The following CCDC6 variants were observed in gnomAD, a reference collection of about 807,000 sequenced individuals.
CCDC6 encodes coiled-coil domain-containing protein 6.
In CCDC6, 20 loss-of-function variants were observed where a neutral mutation model predicts 56.6. The observed-to-expected ratio is 0.35, with a 90% CI of 0.25 to 0.51. The LOEUF is 0.51. Ranked by LOEUF, CCDC6 falls within the 20% of genes least tolerant of loss-of-function variation. The probability of loss-of-function intolerance (pLI) is 0.95; values close to 1 mark genes in which losing one functional copy is unlikely to be tolerated. For missense variants in CCDC6, 367 were observed against 601.1 expected (o/e 0.61, Z 4.07); for synonymous variants, 241 against 234.4 (o/e 1.03, Z -0.26).
At chr10:59,855,002 C>T (rs1422332699) in intron 1 of CCDC6, among the ~76,000 whole-genome samples, 1 of 152,308 alleles carries the variant, frequency 6.6e-6, no homozygotes, top group South Asian at 2.1e-4. Flanking sequence ...CACATTAACA[C>T]ACATTTAGTA....
chr10:59,856,595 A>G (rs779304525), intron 1 of CCDC6, among the ~76,000 whole-genome samples: 44 of 152,248 alleles, frequency 2.9e-4, no homozygotes, highest in Non-Finnish European at 4.3e-4. Flanking sequence ...GTATTTCCCC[A>G]AAATCAGCCA....
chr10:59,820,583 CA>C (rs1029587727), intron 3 of CCDC6, among the ~76,000 whole-genome samples: 1 of 151,430 alleles, frequency 6.6e-6, no homozygotes. Context: ...CCCGTCTCTA[CA>C]AAAAAAATAA....
At chr10:59,839,193 G>A (rs1412922099) in intron 2 of CCDC6, among the ~76,000 whole-genome samples, 4 of 152,274 alleles carry the variant, frequency 2.6e-5, no homozygotes, top group Admixed American at 2.0e-4. Context: ...CACACGTAAA[G>A]GGTAAATCCA....
intron 1 of CCDC6, among the ~76,000 whole-genome samples, chr10:59,883,724 AAC>A (rs2071363147): frequency 6.6e-6 from 1 of 152,220 alleles, no homozygotes; most frequent in Admixed American, 6.5e-5. Context: ...TTAATGAGGA[AAC>A]ACACTTTCCT....
intron 1 of CCDC6, among the ~76,000 whole-genome samples, chr10:59,862,548 C>CAT (rs1564751066): frequency 3.5e-5 from 3 of 84,584 alleles, no homozygotes; most frequent in South Asian, 3.9e-4. Context: ...CACACACACA[C>CAT]ACACACACAT....
Position 59,882,050 on chromosome 10 carries a change from G to GAAAGGAAAGCCGGC in CCDC6, c.303+24071_303+24072insGCCGGCTTTCCTTT, listed in dbSNP as rs1564755834. On this transcript the variant is annotated intron_variant, in intron 1 of 8. Coordinates refer to ENST00000263102, the MANE Select transcript of CCDC6 (RefSeq NM_005436.5). ...GCGGGGAGAAGGAAAGGAAAGCCAGGGGGAGAAGGAAAGGAAAGCCGCGGG... is the reference window on the plus strand; with the variant it reads ...GCGGGGAGAAGGAAAGGAAAGCCAGGAAAGGAAAGCCGGCGGGAGAAGGAAAGGAAAGCCGCGGG... 3.7e-3 allele frequency among the ~76,000 whole-genome samples: 190 copies of GAAAGGAAAGCCGGC among 51,454 alleles called. 43 individuals carry two copies. The highest frequency in any genetic ancestry group is 0.022 in the Middle Eastern group (2 of 90). The allele number at this position is 51,454 out of a possible 152,430, so 33.8% of individuals were successfully genotyped here.
chr10:59,851,068 C>T (rs1458869309), intron 2 of CCDC6, among the ~76,000 whole-genome samples: 3 of 135,472 alleles, frequency 2.2e-5, no homozygotes, highest in East Asian at 2.2e-4. Flanking sequence ...CATGATCTGG[C>T]GAGGTCTTGA....
chr10:59,804,311 T>G, intron 7 of CCDC6, 109 bp downstream of exon 7: 1 of 701,878 alleles, frequency 1.4e-6, no homozygotes. Flanking sequence ...AAGACATGAT[T>G]ATTATCCCTG....
intron 1 of CCDC6, among the ~76,000 whole-genome samples, chr10:59,891,017 A>G (rs2071418877): frequency 6.6e-6 from 1 of 152,184 alleles, no homozygotes; most frequent in Admixed American, 6.5e-5. Context: ...GGGCAGACAG[A>G]TTTTTAAACA....
intron 3 of CCDC6, among the ~76,000 whole-genome samples, chr10:59,830,180 A>G (rs531895070): frequency 3.4e-4 from 51 of 152,234 alleles, no homozygotes; most frequent in Non-Finnish European, 6.3e-4. Flanking sequence ...TAAAGCAAAG[A>G]CAAAAACTAC....
chr10:59,794,676 G>A (rs531120606), intron 7 of CCDC6, 79 bp from the exon 8 acceptor site: 28 of 1,269,038 alleles, frequency 2.2e-5, no homozygotes, highest in African/African-American at 4.4e-5. Context: ...GTTTTAAATC[G>A]CAGTAGTTCT....
chr10:59,882,959 C>CAA (rs769100645), intron 1 of CCDC6, among the ~76,000 whole-genome samples: 3 of 134,018 alleles, frequency 2.2e-5, no homozygotes, highest in African/African-American at 5.6e-5. Flanking sequence ...GACTCTGCCT[C>CAA]AAAAAAAAAA....
chr10:59,852,707 T>TA lies in CCDC6; in HGVS notation c.304-6_304-5insT, dbSNP rs1168502497. 2.0e-6 allele frequency: 3 copies of TA among 1,519,636 alleles called. No homozygotes were observed. Among genetic ancestry groups the TA allele is most frequent in the Non-Finnish European group, 2.6e-6 (3 of 1,146,766 alleles). 94.1% of individuals were successfully genotyped at this position (1,519,636 alleles called of 1,614,324 possible). ...TTCCTGCTCAGCCCTGGCTTGCTGT[T>TA]TAAAAAAAAAAAAGGAAAGAACAAA... On this transcript the variant is annotated splice_polypyrimidine_tract_variant and splice_region_variant and intron_variant, in intron 1 of 8. Coordinates refer to ENST00000263102, the MANE Select transcript of CCDC6 (RefSeq NM_005436.5).
chr10:59,794,694 C>T (rs1471239248), intron 7 of CCDC6, 97 bp from the exon 8 acceptor site: 1 of 983,888 alleles, frequency 1.0e-6, no homozygotes, highest in African/African-American at 1.6e-5. Flanking sequence ...TCTCTATCAC[C>T]CACAAAAATA....
At chr10:59,822,885 C>T (rs182595497) in intron 3 of CCDC6, among the ~76,000 whole-genome samples, 3 of 144,994 alleles carry the variant, frequency 2.1e-5, no homozygotes, top group Non-Finnish European at 1.5e-5. Context: ...CTGTCCCACC[C>T]CACCCTATGC....
At position 59,792,231 on chromosome 10, in the gene CCDC6, T is replaced by C. The variant is rs2070474464; in HGVS notation, c.*686A>G. 1 of 279,000 alleles carries C rather than the reference T, an allele frequency of 3.6e-6. No homozygotes were observed. The highest frequency in any genetic ancestry group is 7.9e-5 in the South Asian group (1 of 12,734). 17.3% of individuals were successfully genotyped at this position (279,000 alleles called of 1,614,324 possible). A position where few individuals can be genotyped will look rare whatever the true frequency, so the allele number is the denominator to read the frequency against. On this transcript the variant is annotated 3_prime_UTR_variant, in exon 9 of 9. Transcript: ENST00000263102. Reference sequence around the variant, plus strand: ...GATAAAAAAGAGAATCACATCTTAATATACGATAATTATCCATCCCATTTA... The same window carrying C: ...GATAAAAAAGAGAATCACATCTTAACATACGATAATTATCCATCCCATTTA...
intron 1 of CCDC6, among the ~76,000 whole-genome samples, chr10:59,858,188 A>G (rs2071095419): frequency 1.3e-5 from 2 of 152,170 alleles, no homozygotes; most frequent in Admixed American, 6.5e-5. Flanking sequence ...TATTTTTTCT[A>G]TTAGAAGAAG....
intron 1 of CCDC6, among the ~76,000 whole-genome samples, chr10:59,874,072 C>A (rs1441923038): frequency 6.6e-6 from 1 of 151,502 alleles, no homozygotes; most frequent in East Asian, 1.9e-4. Context: ...AATGGTGAAG[C>A]ATGTCCGAAG....
chr10:59,795,471 T>TTTA (rs59205170), intron 7 of CCDC6, among the ~76,000 whole-genome samples: 24,120 of 150,478 alleles, frequency 0.16, 2,454 homozygotes, highest in African/African-American at 0.28. Flanking sequence ...CTTATTCATT[T>TTTA]TTATTATTAT....
Sources: allele counts gnomAD v4.1 joint callset (sites outside exome capture counted in the v4.1 genomes callset), GRCh38; gene constraint gnomAD v4.1.1; transcripts MANE v1.5; gene names NCBI Gene and HGNC (gene_info 2026-07-23, HGNC 2026-07-21).